Variants in AGBL1 observed in about 807,000 individuals in gnomAD.
AGBL1 encodes cytosolic carboxypeptidase 4.
A neutral mutation model predicts 118.9 loss-of-function variants in AGBL1; 130 were observed. The observed-to-expected ratio is 1.09, with a 90% CI of 0.95 to 1.26. AGBL1 has a LOEUF of 1.26. Ranked by LOEUF, AGBL1 falls within the 50% of genes most tolerant of loss-of-function variation. AGBL1 has a pLI of 0.00. For missense variants in AGBL1, 1,584 were observed against 1,298.1 expected, an observed-to-expected ratio of 1.22 and a Z score of -3.38; for synonymous variants, 555 against 478.9, an observed-to-expected ratio of 1.16 and a Z score of -2.08.
chr15:86,367,554 G>T (rs890954430), intron 17 of AGBL1, among the ~76,000 whole-genome samples: 2 of 151,426 alleles, frequency 1.3e-5, no homozygotes, highest in African/African-American at 4.9e-5. Flanking sequence ...ATACTTGCCT[G>T]AACCACATGG....
intron 1 of AGBL1, among the ~76,000 whole-genome samples, chr15:86,082,572 T>A (rs1186715198): frequency 6.6e-6 from 1 of 152,224 alleles, no homozygotes; most frequent in Non-Finnish European, 1.5e-5. Flanking sequence ...TTTGTGGATG[T>A]CCTCCTACTT....
At chr15:86,415,647 A>G (rs1044865860) in intron 18 of AGBL1, among the ~76,000 whole-genome samples, 5 of 152,112 alleles carry the variant, frequency 3.3e-5, no homozygotes, top group African/African-American at 1.2e-4. Context: ...TTTTTAGTTC[A>G]TTGTCAAATA....
At chr15:86,378,900 G>GTTTTTTTTTTTTTTTTTTTTT (rs113439108) in intron 17 of AGBL1, among the ~76,000 whole-genome samples, 1 of 144,112 alleles carries the variant, frequency 6.9e-6, no homozygotes, top group Non-Finnish European at 1.5e-5. Context: ...GATCACTTTA[G>GTTTTTTTTTTTTTTTTTTTTT]TTTTTTTTTT....
chr15:86,565,086 T>C (rs940665586), intron 21 of AGBL1, among the ~76,000 whole-genome samples: 3 of 152,220 alleles, frequency 2.0e-5, no homozygotes, highest in Non-Finnish European at 2.9e-5. Flanking sequence ...ATTTCCTCCT[T>C]TAGCTCGGAG....
chr15:86,657,569 A>G (rs1002829756), intron 21 of AGBL1, among the ~76,000 whole-genome samples: 7 of 152,204 alleles, frequency 4.6e-5, no homozygotes, highest in Non-Finnish European at 8.8e-5. Context: ...TCACAGTGGG[A>G]TATAAAAATG....
intron 22 of AGBL1, among the ~76,000 whole-genome samples, chr15:86,753,734 T>C (rs746000749): frequency 7.2e-5 from 11 of 152,050 alleles, no homozygotes; most frequent in Non-Finnish European, 1.0e-4. Context: ...CATGTCTAGG[T>C]CTGAAGAGTG....
chr15:86,207,852 G>A (rs866858605), intron 5 of AGBL1, among the ~76,000 whole-genome samples: 1 of 152,094 alleles, frequency 6.6e-6, no homozygotes, highest in Admixed American at 6.5e-5. Context: ...ACACTATGTT[G>A]AATAGGAGTG....
intron 23 of AGBL1, among the ~76,000 whole-genome samples, chr15:86,934,238 G>A (rs973182924): frequency 2.6e-5 from 4 of 152,162 alleles, no homozygotes; most frequent in African/African-American, 4.8e-5. Context: ...TGTGAGTGCT[G>A]TTAACCCAAT....
intron 1 of AGBL1, among the ~76,000 whole-genome samples, chr15:86,108,480 A>G (rs1597401484): frequency 6.6e-6 from 1 of 152,306 alleles, no homozygotes; most frequent in East Asian, 1.9e-4. Flanking sequence ...AGTGCACCCT[A>G]CAAATACCTC....
intron 24 of AGBL1, among the ~76,000 whole-genome samples, chr15:87,013,137 C>A (rs1368311516): frequency 1.3e-5 from 2 of 152,154 alleles, no homozygotes; most frequent in African/African-American, 4.8e-5. Flanking sequence ...ATATGTCTCT[C>A]AGGGCACTCT....
At chr15:86,778,239 G>T (rs777624386) in intron 22 of AGBL1, among the ~76,000 whole-genome samples, 1 of 152,144 alleles carries the variant, frequency 6.6e-6, no homozygotes, top group Non-Finnish European at 1.5e-5. Flanking sequence ...GCAAATGGAG[G>T]CAGGGCGAGA....
intron 22 of AGBL1, among the ~76,000 whole-genome samples, chr15:86,747,840 G>A (rs977155617): frequency 6.6e-6 from 1 of 152,128 alleles, no homozygotes; most frequent in Non-Finnish European, 1.5e-5. Flanking sequence ...ACTATTCCAT[G>A]GTGTATATGT....
chr15:86,715,058 T>C (rs1194977173), intron 22 of AGBL1, among the ~76,000 whole-genome samples: 3 of 152,154 alleles, frequency 2.0e-5, no homozygotes, highest in African/African-American at 7.2e-5. Flanking sequence ...CCCCAGCACT[T>C]TTGCTGGCCC....
intron 21 of AGBL1, among the ~76,000 whole-genome samples, chr15:86,665,734 C>A (rs998718286): frequency 3.3e-5 from 5 of 151,604 alleles, no homozygotes; most frequent in African/African-American, 4.8e-5. Flanking sequence ...TCATTAAATT[C>A]TTTGATCATT....
intron 18 of AGBL1, among the ~76,000 whole-genome samples, chr15:86,436,582 T>TAAG (rs2082002711): frequency 6.6e-6 from 1 of 152,190 alleles, no homozygotes; most frequent in Non-Finnish European, 1.5e-5. Flanking sequence ...AGCACTGTGC[T>TAAG]AAGCATTGTA....
At chr15:86,437,883 C>CAAAAAAAA (rs2082017430) in intron 18 of AGBL1, among the ~76,000 whole-genome samples, 3 of 152,024 alleles carry the variant, frequency 2.0e-5, no homozygotes, top group African/African-American at 7.2e-5. Context: ...AGCTAAGCCT[C>CAAAAAAAA]AGTTTTCTTT....
At chr15:86,466,118 G>T (rs553806014) in intron 18 of AGBL1, among the ~76,000 whole-genome samples, 65 of 152,254 alleles carry the variant, frequency 4.3e-4, no homozygotes, top group Middle Eastern at 6.8e-3. Context: ...AACCTATGTT[G>T]AAATACTGGG....
intron 24 of AGBL1, among the ~76,000 whole-genome samples, chr15:87,013,444 G>A (rs1483678934): frequency 6.6e-6 from 1 of 152,112 alleles, no homozygotes; most frequent in African/African-American, 2.4e-5. Context: ...CTGCTGTTTA[G>A]AGGTGGCCCA....
At chr15:86,545,348 G>A (rs1007428913) in intron 19 of AGBL1, among the ~76,000 whole-genome samples, 2 of 152,122 alleles carry the variant, frequency 1.3e-5, no homozygotes, top group African/African-American at 4.8e-5. Context: ...TTCTGTTTTT[G>A]TATATTTCAC....
Sources: allele counts gnomAD v4.1 joint callset (sites outside exome capture counted in the v4.1 genomes callset), GRCh38; gene constraint gnomAD v4.1.1; transcripts MANE v1.5; gene names NCBI Gene and HGNC (gene_info 2026-07-23, HGNC 2026-07-21).